Variants in PSD3 observed in about 807,000 individuals in gnomAD.
The protein encoded by PSD3 is PH and SEC7 domain-containing protein 3.
A neutral mutation model predicts 105.5 loss-of-function variants in PSD3; 49 were observed. The observed-to-expected ratio is 0.46, with a 90% CI of 0.37 to 0.59. PSD3 has a LOEUF of 0.59. Among genes scored for constraint, PSD3 ranks in the 20% least tolerant of loss-of-function variants. The pLI is 0.00. For missense variants in PSD3, 1,561 were observed against 1,263.8 expected (o/e 1.24, Z -3.57); for synonymous variants, 557 against 457.8 (o/e 1.22, Z -2.77).
In PSD3 at chr8:18,705,719, C is replaced by G. The variant is rs1801856699; in HGVS notation, c.2173-50034G>C. On this transcript the variant is annotated intron_variant, in intron 9 of 15. Transcript: ENST00000327040. ...TCATCTATATCTATATTAAAAAAGT[C>G]TTAAAGAAAGTGACATAGGCTATGT... is the stretch of plus-strand genomic sequence containing the variant. Among the ~76,000 whole-genome samples, 4 of 152,068 alleles carry G rather than the reference C, an allele frequency of 2.6e-5. No homozygotes were observed. The South Asian group carries it at 8.3e-4, about 32-fold the overall frequency.
intron 14 of PSD3, 94 bp downstream of exon 14, chr8:18,572,434 C>T (rs913702676): frequency 4.1e-6 from 6 of 1,478,946 alleles, no homozygotes; most frequent in East Asian, 4.6e-5. Context: ...CACACCTGCC[C>T]CCAAAACATG....
chr8:18,620,596 C>T (rs894445039), intron 11 of PSD3, among the ~76,000 whole-genome samples: 1 of 151,980 alleles, frequency 6.6e-6, no homozygotes, highest in Non-Finnish European at 1.5e-5. Context: ...GTGGTCCCAG[C>T]TATTCAATAG....
At position 18,993,314 on chromosome 8, in the gene PSD3, A is replaced by AT. The variant is rs200691699; in HGVS notation, c.21+20248dup. On this transcript the variant is annotated intron_variant, in intron 1 of 15. Transcript: ENST00000327040. The stretch of plus-strand genomic sequence containing the variant: ...CTATGACCTCTCCTGACATCACATG[A>AT]TTTTTTCACCACTCACATACCTGTT... 2.8e-3 allele frequency among the ~76,000 whole-genome samples: 424 copies of AT among 152,180 alleles called. 3 individuals are homozygous for AT. The highest frequency in any genetic ancestry group is 9.9e-3 in the African/African-American group (410 of 41,524).
chr8:18,623,742 A>G (rs1195247852), intron 11 of PSD3, among the ~76,000 whole-genome samples: 1 of 152,136 alleles, frequency 6.6e-6, no homozygotes, highest in African/African-American at 2.4e-5. Context: ...TGTAAAAAAT[A>G]TATATTATCA....
intron 1 of PSD3, among the ~76,000 whole-genome samples, chr8:19,044,650 T>C (rs1828249424): frequency 6.6e-6 from 1 of 152,216 alleles, no homozygotes; most frequent in Non-Finnish European, 1.5e-5. Flanking sequence ...TAATTGTTTC[T>C]AGGAGTTTGC....
At chr8:18,537,324 G>C (rs548469975) in intron 15 of PSD3, among the ~76,000 whole-genome samples, 3 of 152,128 alleles carry the variant, frequency 2.0e-5, no homozygotes, top group African/African-American at 7.2e-5. Context: ...ACTCGGATTT[G>C]AACCAAGGCA....
chr8:18,762,430 T>C (rs987299614), intron 9 of PSD3, among the ~76,000 whole-genome samples: 7 of 152,228 alleles, frequency 4.6e-5, no homozygotes, highest in Non-Finnish European at 1.5e-5. Flanking sequence ...CTGTTCTTTA[T>C]GAATTACTCA....
At chr8:18,795,552 G>A (rs961723634) in intron 8 of PSD3, among the ~76,000 whole-genome samples, 1 of 152,216 alleles carries the variant, frequency 6.6e-6, no homozygotes, top group African/African-American at 2.4e-5. Flanking sequence ...ACTGACTTGT[G>A]TATCTCTTGT....
chr8:18,770,761 T>C (rs1460733062), intron 8 of PSD3, among the ~76,000 whole-genome samples: 2 of 152,230 alleles, frequency 1.3e-5, no homozygotes, highest in Non-Finnish European at 2.9e-5. Context: ...AACAGCTCAG[T>C]GGATCCTCTG....
At chr8:18,840,329 T>G (rs1814513804) in intron 4 of PSD3, among the ~76,000 whole-genome samples, 1 of 152,164 alleles carries the variant, frequency 6.6e-6, no homozygotes, top group Admixed American at 6.6e-5. Context: ...CATGTTGGCC[T>G]CCCAAAGATG....
intron 9 of PSD3, among the ~76,000 whole-genome samples, chr8:18,751,913 G>T (rs1371577123): frequency 6.7e-6 from 1 of 148,384 alleles, no homozygotes; most frequent in African/African-American, 2.6e-5. Flanking sequence ...GGTGGCTCAC[G>T]CCTGGAATCC....
chr8:18,662,675 A>G (rs1477766818), intron 9 of PSD3, among the ~76,000 whole-genome samples: 1 of 152,120 alleles, frequency 6.6e-6, no homozygotes, highest in African/African-American at 2.4e-5. Context: ...CCCCTTCCAG[A>G]TCTACTATTT....
chr8:18,593,930 C>T (rs1311888398), intron 12 of PSD3, among the ~76,000 whole-genome samples: 1 of 121,312 alleles, frequency 8.2e-6, no homozygotes, highest in Non-Finnish European at 1.6e-5. Flanking sequence ...ACAATGAGAA[C>T]ACTTGGACAC....
chr8:18,913,503 G>C (rs1235592327), intron 2 of PSD3, among the ~76,000 whole-genome samples: 1 of 152,118 alleles, frequency 6.6e-6, no homozygotes, highest in Non-Finnish European at 1.5e-5. Flanking sequence ...CTTGCAGATA[G>C]AGACTCCAGG....
chr8:18,735,543 G>A (rs1182071272), intron 9 of PSD3, among the ~76,000 whole-genome samples: 1 of 152,118 alleles, frequency 6.6e-6, no homozygotes, highest in African/African-American at 2.4e-5. Context: ...TAAGGCTGTA[G>A]TAGTTAAATG....
intron 9 of PSD3, among the ~76,000 whole-genome samples, chr8:18,691,056 C>T (rs889899892): frequency 6.6e-6 from 1 of 152,006 alleles, no homozygotes; most frequent in South Asian, 2.1e-4. Flanking sequence ...CGCATCACCT[C>T]ACTCCAGCAG....
intron 9 of PSD3, among the ~76,000 whole-genome samples, chr8:18,659,194 C>T (rs2130865866): frequency 6.6e-6 from 1 of 152,270 alleles, no homozygotes; most frequent in Admixed American, 6.5e-5. Flanking sequence ...GCAGCCTCCC[C>T]TATTTGTATG....
At chr8:18,667,591 A>T (rs925048444) in intron 9 of PSD3, among the ~76,000 whole-genome samples, 1 of 152,204 alleles carries the variant, frequency 6.6e-6, no homozygotes, top group Non-Finnish European at 1.5e-5. Context: ...CAAGTCCCCA[A>T]ATAGATTTAG....
chr8:18,786,575 G>C (rs960432102), intron 8 of PSD3, among the ~76,000 whole-genome samples: 5 of 152,126 alleles, frequency 3.3e-5, no homozygotes, highest in African/African-American at 1.2e-4. Context: ...ACAGCCATTA[G>C]GAAAAATAGC....
Sources: allele counts gnomAD v4.1 joint callset (sites outside exome capture counted in the v4.1 genomes callset), GRCh38; gene constraint gnomAD v4.1.1; transcripts MANE v1.5; gene names NCBI Gene and HGNC (gene_info 2026-07-23, HGNC 2026-07-21).